The following KIF1B variants were observed in gnomAD, a reference collection of about 807,000 sequenced individuals.
KIF1B encodes the protein kinesin family member 1B.
KIF1B carries 76 observed loss-of-function variants against 241.9 expected under a neutral mutation model. The ratio of observed to expected loss-of-function variants is 0.31; its 90% CI spans 0.26 to 0.38. KIF1B has a LOEUF of 0.38. Ranked by LOEUF, KIF1B falls within the 10% of genes least tolerant of loss-of-function variation. The probability of loss-of-function intolerance (pLI) is 1.00; values close to 1 mark genes in which losing one functional copy is unlikely to be tolerated. For missense variants in KIF1B, 1,622 were observed against 2,271.4 expected, an observed-to-expected ratio of 0.71 and a Z score of 5.81; for synonymous variants, 750 against 796.7, an observed-to-expected ratio of 0.94 and a Z score of 0.99.
At chr1:10,299,278 A>G (rs1650425321) in intron 22 of KIF1B, among the ~76,000 whole-genome samples, 1 of 152,180 alleles carries the variant, frequency 6.6e-6, no homozygotes, top group African/African-American at 2.4e-5. Flanking sequence ...GGGAATGTAC[A>G]TACCCTGCAG....
chr1:10,227,413 T>C (rs1262433329), intron 1 of KIF1B, among the ~76,000 whole-genome samples: 1 of 152,210 alleles, frequency 6.6e-6, no homozygotes, highest in African/African-American at 2.4e-5. Flanking sequence ...TTCTGTAGAT[T>C]GTTTCATATA....
intron 29 of KIF1B, 142 bp downstream of exon 29, chr1:10,336,884 C>A: frequency 1.8e-6 from 2 of 1,088,920 alleles, no homozygotes; most frequent in Non-Finnish European, 2.8e-6. Flanking sequence ...ACATGTCTAA[C>A]AATTATGAAG....
intron 12 of KIF1B, among the ~76,000 whole-genome samples, chr1:10,277,658 G>A (rs1028789716): frequency 2.6e-5 from 4 of 152,094 alleles, no homozygotes; most frequent in Non-Finnish European, 5.9e-5. Flanking sequence ...TTATGTATGA[G>A]TAGGTTTCAT....
At chr1:10,267,636 C>A in intron 6 of KIF1B, 78 bp downstream of exon 6, 1 of 1,353,372 alleles carries the variant, frequency 7.4e-7, no homozygotes, top group Non-Finnish European at 1.1e-6. Context: ...GGGTTTGAGG[C>A]CACATTTATA....
At position 10,276,358 on chromosome 1, in the gene KIF1B, C is replaced by T. The variant is rs1156412684; in HGVS notation, c.996C>T (p.Ser332=). The T allele has an allele frequency of 6.2e-7, 1 of 1,613,720 alleles. No individual in the cohort carries two copies. The highest frequency in any genetic ancestry group is 8.5e-7 in the Non-Finnish European group (1 of 1,179,830). The change falls in exon 12 of 49, where the codon AGC becomes AGT. Residue 332 remains serine (S), a synonymous_variant. Transcript: ENST00000676179. ...GGACTGCAATGGTTGCTGCTCTGAGCCCCGCGGATATCAACTACGATGAGA... is the reference window on the plus strand; with the variant it reads ...GGACTGCAATGGTTGCTGCTCTGAGTCCCGCGGATATCAACTACGATGAGA... ...NSRTAMVAAL[S]PADINYDETL... is the part of the protein sequence containing the mutation.
At chr1:10,275,176 G>T (rs975531392) in intron 10 of KIF1B, among the ~76,000 whole-genome samples, 2 of 152,146 alleles carry the variant, frequency 1.3e-5, no homozygotes, top group Admixed American at 1.3e-4. Context: ...GTTGGGTATG[G>T]TAGCTCATTA....
chr1:10,234,814 A>G (rs1027681438), intron 2 of KIF1B, among the ~76,000 whole-genome samples: 5 of 150,978 alleles, frequency 3.3e-5, no homozygotes, highest in Admixed American at 6.6e-5. Flanking sequence ...GAGCCACTGT[A>G]CCCAGCCTCC....
intron 22 of KIF1B, chr1:10,306,653 T>G: frequency 1.5e-6 from 1 of 666,504 alleles, no homozygotes; most frequent in Non-Finnish European, 1.9e-6. Flanking sequence ...CCAGCCCAGG[T>G]TGGAAATGGA....
Position 10,374,170 on chromosome 1 carries a change from C to G in KIF1B, c.4947-146C>G. 1.2e-6 allele frequency: 1 copy of G among 813,746 alleles called. No individual in the cohort carries two copies. The highest frequency in any genetic ancestry group is 2.1e-6 in the Non-Finnish European group (1 of 476,502). 50.4% of individuals were successfully genotyped at this position (813,746 alleles called of 1,614,324 possible). A position where few individuals can be genotyped will look rare whatever the true frequency, so the allele number is the denominator to read the frequency against. Reference sequence around the variant, plus strand: ...TTAACTTTCTGAAGCCAGCTTGTCTCCTCAGCTGAGCTCTCTGCAACTCAA... The same window carrying G: ...TTAACTTTCTGAAGCCAGCTTGTCTGCTCAGCTGAGCTCTCTGCAACTCAA... On this transcript the variant is annotated intron_variant, in intron 45 of 48. Transcript: ENST00000676179. The surrounding 1 kb of genome is among the most constrained non-coding windows in gnomAD (Gnocchi z 4.3).
chr1:10,247,789 T>A (rs968278549), intron 2 of KIF1B, among the ~76,000 whole-genome samples: 2 of 152,190 alleles, frequency 1.3e-5, no homozygotes, highest in African/African-American at 4.8e-5. Context: ...GTCCCCAACC[T>A]TTTTGGCACC....
chr1:10,275,754 C>G (rs1314357191), intron 11 of KIF1B, among the ~76,000 whole-genome samples: 1 of 152,148 alleles, frequency 6.6e-6, no homozygotes, highest in Non-Finnish European at 1.5e-5. Flanking sequence ...TCCCGACTCC[C>G]CATACTTGCT....
chr1:10,302,340 C>T (rs889056358), intron 22 of KIF1B, among the ~76,000 whole-genome samples: 4 of 152,120 alleles, frequency 2.6e-5, no homozygotes, highest in Non-Finnish European at 4.4e-5. Context: ...ATCCAGATAA[C>T]ACACTTTAAT....
At chr1:10,284,063 C>G (rs906420940) in intron 15 of KIF1B, among the ~76,000 whole-genome samples, 15 of 152,182 alleles carry the variant, frequency 9.9e-5, no homozygotes, top group African/African-American at 3.6e-4. Context: ...TTTCCCTTGA[C>G]ATTTTACTTA....
Position 10,245,248 on chromosome 1 carries a change from TGAATAAGGCAGGGA to T in KIF1B, c.107-10995_107-10982del, listed in dbSNP as rs538771885. Among the ~76,000 whole-genome samples, 9 of 152,332 alleles carry T rather than the reference TGAATAAGGCAGGGA, an allele frequency of 5.9e-5. No individual in the cohort carries two copies. The South Asian group carries it at 1.9e-3, about 32-fold the overall frequency. On this transcript the variant is annotated intron_variant, in intron 2 of 48. Coordinates refer to ENST00000676179, the MANE Select transcript of KIF1B (RefSeq NM_001365951.3). ...TCTTTATGCTAAAGTAGCAAAGTTG[TGAATAAGGCAGGGA>T]GAAAAGGGGGTAAAATTAGGGAATT...
intron 10 of KIF1B, 37 bp from the exon 11 acceptor site, chr1:10,275,387 CCTAA>C (rs924388332): frequency 1.8e-6 from 2 of 1,135,978 alleles, no homozygotes; most frequent in Admixed American, 3.4e-5. Context: ...AATTTTTTTC[CCTAA>C]CGAAAAATGC....
chr1:10,322,681 G>A (rs1302330169), intron 24 of KIF1B, among the ~76,000 whole-genome samples: 2 of 152,070 alleles, frequency 1.3e-5, no homozygotes, highest in African/African-American at 4.8e-5. Context: ...TAGGGAATAC[G>A]ATATGTTCTT....
rs1353741592 is a variant in KIF1B at position 10,324,827 on chromosome 1, A to G, written c.2607A>G (p.Glu869=). ...AGATGGCCTCCAGTGCCCAAGACGA[A>G]AGCGAAACCACTGTGACTGGCAGCG... The part of the protein sequence containing the change: ...AGEMASSAQD[E]SETTVTGSDP... Residue 869 remains glutamate (E), a synonymous_variant, in exon 26 of 49, where the codon GAA becomes GAG. Transcript: ENST00000676179. The G allele has an allele frequency of 1.2e-6, 2 of 1,614,178 alleles. No homozygotes were observed. The highest frequency in any genetic ancestry group is 4.5e-5 in the East Asian group (2 of 44,878).
rs1638945119 is a variant in KIF1B, at chr1:10,378,495, C to G, written c.*1908C>G. 1.4e-6 allele frequency: 1 copy of G among 714,696 alleles called. No individual in the cohort carries two copies. Among genetic ancestry groups the G allele is most frequent in the East Asian group, 2.7e-5 (1 of 37,282 alleles). The allele number at this position is 714,696 out of a possible 1,614,324, so 44.3% of individuals were successfully genotyped here. ...GATTGTTTTACACCATCCTTTACTT[C>G]CCTTGCTCAGACCTCTCTGTTTCAC... On this transcript the variant is annotated 3_prime_UTR_variant, in exon 49 of 49. Coordinates refer to ENST00000676179, the MANE Select transcript of KIF1B (RefSeq NM_001365951.3).
At chr1:10,308,087 C>G (rs200180628) in intron 22 of KIF1B, 1 of 1,060,236 alleles carries the variant, frequency 9.4e-7, no homozygotes, top group Non-Finnish European at 1.1e-6. Flanking sequence ...GTTTTACTAC[C>G]GGAAGTTACA....
Sources: gnomAD v4.1 joint callset for allele counts (sites outside exome capture counted in the v4.1 genomes callset) on GRCh38, gnomAD v4.1.1 for gene constraint, Gnocchi (gnomAD v3.1) non-coding constraint, MANE v1.5 for transcripts, NCBI Gene and HGNC (gene_info 2026-07-23, HGNC 2026-07-21) for gene names.